Variants in CTNNA2 observed in about 807,000 individuals in gnomAD.
CTNNA2 encodes catenin alpha-2.
A neutral mutation model predicts 101.0 loss-of-function variants in CTNNA2; 42 were observed. That is an observed-to-expected ratio of 0.42 (90% CI 0.32 to 0.54). The LOEUF is 0.54. Among genes scored for constraint, CTNNA2 ranks in the 20% least tolerant of loss-of-function variants. The pLI is 0.14. For synonymous variants in CTNNA2, 450 were observed against 456.4 expected (o/e 0.99, Z 0.18); for missense variants, 871 against 1,223.1 (o/e 0.71, Z 4.29).
At chr2:79,780,594 G>T (rs1300487652) in intron 3 of CTNNA2, among the ~76,000 whole-genome samples, 1 of 152,106 alleles carries the variant, frequency 6.6e-6, no homozygotes, top group Non-Finnish European at 1.5e-5. Context: ...AATTCCCTGT[G>T]AACCACCATT....
chr2:80,075,587 T>A (rs547886643), intron 7 of CTNNA2, among the ~76,000 whole-genome samples: 1 of 89,176 alleles, frequency 1.1e-5, no homozygotes, highest in African/African-American at 4.0e-5. Context: ...TATTTATACA[T>A]GTATAAATAT....
intron 3 of CTNNA2, among the ~76,000 whole-genome samples, chr2:79,366,831 G>A (rs1298465445): frequency 1.3e-5 from 2 of 152,206 alleles, no homozygotes; most frequent in African/African-American, 2.4e-5. Flanking sequence ...AAAATGTATA[G>A]TATATCAGAT....
At chr2:80,448,328 C>T (rs762612648) in intron 9 of CTNNA2, among the ~76,000 whole-genome samples, 8 of 152,236 alleles carry the variant, frequency 5.3e-5, no homozygotes, top group Non-Finnish European at 7.4e-5. Context: ...ATATGTTCTC[C>T]GTTTCACTCT....
At chr2:80,209,801 A>G (rs1488844007) in intron 7 of CTNNA2, among the ~76,000 whole-genome samples, 1 of 152,242 alleles carries the variant, frequency 6.6e-6, no homozygotes, top group Admixed American at 6.5e-5. Context: ...GAGTAAGGCT[A>G]TACATGATTA....
chr2:80,030,252 T>C (rs1695203536), intron 7 of CTNNA2, among the ~76,000 whole-genome samples: 1 of 151,476 alleles, frequency 6.6e-6, no homozygotes, highest in African/African-American at 2.4e-5. Flanking sequence ...AAAAAGATGT[T>C]AAAAGAAAAA....
intron 2 of CTNNA2, among the ~76,000 whole-genome samples, chr2:79,284,497 T>C (rs78590367): frequency 0.61 from 91,837 of 150,156 alleles, 28,359 homozygotes; most frequent in East Asian, 0.76. Flanking sequence ...CAAAGGCTTT[T>C]TCTGCATCTA....
intron 3 of CTNNA2, among the ~76,000 whole-genome samples, chr2:79,777,985 G>C (rs1674119560): frequency 6.7e-6 from 1 of 150,092 alleles, no homozygotes; most frequent in Non-Finnish European, 1.5e-5. Context: ...GCATGTGATT[G>C]CATGATCTGT....
intron 1 of CTNNA2, among the ~76,000 whole-genome samples, chr2:79,582,643 A>G (rs1278802745): frequency 6.6e-6 from 1 of 152,132 alleles, no homozygotes. Context: ...AAATATATAT[A>G]TATTTGTAGC....
At chr2:80,616,955 C>T (rs1365461503) in intron 17 of CTNNA2, among the ~76,000 whole-genome samples, 2 of 151,606 alleles carry the variant, frequency 1.3e-5, no homozygotes, top group Non-Finnish European at 3.0e-5. Context: ...TTTTCCATTT[C>T]CAAAGAGACA....
intron 5 of CTNNA2, among the ~76,000 whole-genome samples, chr2:79,506,949 T>C (rs1299468905): frequency 6.6e-6 from 1 of 152,188 alleles, no homozygotes; most frequent in Non-Finnish European, 1.5e-5. Context: ...CCCTGTATAA[T>C]AGTCATGAAT....
intron 2 of CTNNA2, 141 bp from the exon 3 acceptor site, chr2:79,744,246 G>A (rs745383853): frequency 4.8e-5 from 33 of 686,748 alleles, no homozygotes; most frequent in Non-Finnish European, 7.5e-5. Flanking sequence ...GGTTATGTGA[G>A]GAGGCTAAGT....
intron 6 of CTNNA2, among the ~76,000 whole-genome samples, chr2:79,908,554 G>C (rs1685575357): frequency 6.6e-6 from 1 of 152,132 alleles, no homozygotes; most frequent in African/African-American, 2.4e-5. Flanking sequence ...CCAGCCTTTG[G>C]TCAATGTCAC....
chr2:79,593,335 A>G (rs1407930251), intron 1 of CTNNA2, among the ~76,000 whole-genome samples: 1 of 152,230 alleles, frequency 6.6e-6, no homozygotes, highest in Non-Finnish European at 1.5e-5. Context: ...ATACATTGCT[A>G]CAGTTGAGGA....
At chr2:79,270,699 CTG>C (rs1361814803) in intron 2 of CTNNA2, among the ~76,000 whole-genome samples, 4 of 152,046 alleles carry the variant, frequency 2.6e-5, no homozygotes, top group African/African-American at 9.7e-5. Flanking sequence ...GTGTCCCACT[CTG>C]AAAAAATGCA....
intron 2 of CTNNA2, among the ~76,000 whole-genome samples, chr2:79,702,119 T>A (rs1402629225): frequency 2.6e-5 from 4 of 151,774 alleles, no homozygotes; most frequent in Non-Finnish European, 5.9e-5. Context: ...AAGTCTTTCA[T>A]TCTGTGGAAT....
intron 9 of CTNNA2, among the ~76,000 whole-genome samples, chr2:80,476,225 C>A (rs149317767): frequency 6.6e-6 from 1 of 152,098 alleles, no homozygotes; most frequent in Non-Finnish European, 1.5e-5. Flanking sequence ...TCTGAGAAGT[C>A]GGGCTGGAGC....
intron 9 of CTNNA2, among the ~76,000 whole-genome samples, chr2:80,524,475 C>T (rs1458614012): frequency 6.6e-6 from 1 of 152,154 alleles, no homozygotes; most frequent in African/African-American, 2.4e-5. Flanking sequence ...GCTTAAAGTT[C>T]TGCCCATTGC....
intron 7 of CTNNA2, among the ~76,000 whole-genome samples, chr2:80,172,186 C>T (rs921257772): frequency 6.6e-6 from 1 of 152,120 alleles, no homozygotes; most frequent in Non-Finnish European, 1.5e-5. Context: ...TTGGCTATAC[C>T]GTCACATGTG....
intron 3 of CTNNA2, among the ~76,000 whole-genome samples, chr2:79,774,979 T>G (rs540490414): frequency 6.6e-6 from 1 of 152,328 alleles, no homozygotes; most frequent in African/African-American, 2.4e-5. Flanking sequence ...ATGAATATTT[T>G]AAAGCCATCC....
Sources: gnomAD v4.1 joint callset for allele counts (sites outside exome capture counted in the v4.1 genomes callset) on GRCh38, gnomAD v4.1.1 for gene constraint, MANE v1.5 for transcripts, NCBI Gene and HGNC (gene_info 2026-07-23, HGNC 2026-07-21) for gene names.